The following PLAG1 variants were observed in gnomAD, a reference collection of about 807,000 sequenced individuals.
The protein encoded by PLAG1 is zinc finger protein PLAG1.
A neutral mutation model predicts 35.5 loss-of-function variants in PLAG1; 7 were observed. The observed-to-expected ratio is 0.20, with a 90% CI of 0.11 to 0.37. The LOEUF (loss-of-function observed/expected upper bound fraction) is 0.37, where lower values mean the gene tolerates loss of function less well. Ranked by LOEUF, PLAG1 falls within the 10% of genes least tolerant of loss-of-function variation. The pLI is 1.00. For synonymous variants in PLAG1, 229 were observed against 225.4 expected, an observed-to-expected ratio of 1.02 and a Z score of -0.14; for missense variants, 454 against 602.8, an observed-to-expected ratio of 0.75 and a Z score of 2.58.
chr8:56,166,690 T>G lies in PLAG1; in HGVS notation c.1056A>C (p.Leu352Phe). 1.2e-6 allele frequency: 2 copies of G among 1,614,062 alleles called. No individual in the cohort carries two copies. Among genetic ancestry groups the G allele is most frequent in the Non-Finnish European group, 1.7e-6 (2 of 1,179,950 alleles). The change falls in exon 5 of 5, where the codon TTA (leucine) becomes TTC (phenylalanine). Residue 352 changes from leucine (L) to phenylalanine (F), a missense_variant. Physicochemically the swap from Leu to Phe is conservative, Grantham distance 22. Coordinates refer to ENST00000316981, the MANE Select transcript of PLAG1 (RefSeq NM_002655.3). Reference protein sequence around the residue: ...AISIPEKEQPLKGEIESYLME... With the variant: ...AISIPEKEQPFKGEIESYLME... ...TCAGGTAACTCTCAATTTCCCCCTT[T>G]AATGGCTGTTCTTTTTCAGGAATAG...
At chr8:56,197,157 C>G (rs1169849956) in intron 1 of PLAG1, among the ~76,000 whole-genome samples, 2 of 152,104 alleles carry the variant, frequency 1.3e-5, no homozygotes, top group African/African-American at 4.8e-5. Flanking sequence ...TCTCCCACCT[C>G]TGCATGCTTC....
At chr8:56,203,620 T>C (rs1812621576) in intron 1 of PLAG1, among the ~76,000 whole-genome samples, 1 of 152,094 alleles carries the variant, frequency 6.6e-6, no homozygotes, top group African/African-American at 2.4e-5. Context: ...AAAATGTCAC[T>C]AACTCCTGTT....
intron 2 of PLAG1, among the ~76,000 whole-genome samples, chr8:56,179,023 CAAAAAAAAAAAAAA>C (rs1173709224): frequency 4.7e-5 from 2 of 42,934 alleles, no homozygotes; most frequent in African/African-American, 9.0e-5. Flanking sequence ...GCCCAGGAGA[CAAAAAAAAAAAAAA>C]AAAAAAAAAA....
At chr8:56,198,325 A>G (rs1812443616) in intron 1 of PLAG1, among the ~76,000 whole-genome samples, 1 of 152,212 alleles carries the variant, frequency 6.6e-6, no homozygotes, top group African/African-American at 2.4e-5. Context: ...GTGCAGGCAC[A>G]GAGGGGTCAC....
chr8:56,210,068 TCC>T (rs1241669302), intron 1 of PLAG1, among the ~76,000 whole-genome samples: 1 of 151,818 alleles, frequency 6.6e-6, no homozygotes, highest in East Asian at 1.9e-4. Flanking sequence ...CCCCCCTCGC[TCC>T]CCCTGCTTCT....
At chr8:56,192,166 G>A (rs1358935154) in intron 1 of PLAG1, among the ~76,000 whole-genome samples, 1 of 152,208 alleles carries the variant, frequency 6.6e-6, no homozygotes, top group Non-Finnish European at 1.5e-5. Context: ...GGGCACTCCT[G>A]TGTACTACCA....
intron 1 of PLAG1, among the ~76,000 whole-genome samples, chr8:56,194,718 C>T (rs567664887): frequency 6.2e-4 from 94 of 152,042 alleles, no homozygotes; most frequent in South Asian, 2.1e-3. Flanking sequence ...AAAGTTGCTT[C>T]GGGGGAGTGG....
chr8:56,177,244 T>C (rs1811726804), intron 2 of PLAG1, among the ~76,000 whole-genome samples: 3 of 152,166 alleles, frequency 2.0e-5, no homozygotes, highest in Admixed American at 2.0e-4. Context: ...CTGGTTCAGG[T>C]CTGCACATAC....
chr8:56,197,498 T>C (rs565773730), intron 1 of PLAG1, among the ~76,000 whole-genome samples: 1 of 152,334 alleles, frequency 6.6e-6, no homozygotes, highest in Non-Finnish European at 1.5e-5. Context: ...TGCTGGTGCA[T>C]CTCTTTCCCC....
chr8:56,173,211 A>G (rs1437930858), intron 2 of PLAG1, among the ~76,000 whole-genome samples: 1 of 152,168 alleles, frequency 6.6e-6, no homozygotes, highest in Non-Finnish European at 1.5e-5. Flanking sequence ...CCAATAGTCT[A>G]GAAATCACCC....
chr8:56,187,686 C>T (rs1261964569), intron 1 of PLAG1, among the ~76,000 whole-genome samples: 2 of 152,020 alleles, frequency 1.3e-5, no homozygotes, highest in East Asian at 1.9e-4. Context: ...GGCTCTTATA[C>T]GGAATCACAG....
intron 3 of PLAG1, among the ~76,000 whole-genome samples, chr8:56,169,465 A>C (rs1178842656): frequency 1.3e-5 from 2 of 152,088 alleles, no homozygotes; most frequent in East Asian, 3.8e-4. Flanking sequence ...AATATTATCG[A>C]CTCTGTTTCT....
rs1339814901 is a variant in PLAG1 at position 56,163,490 on chromosome 8, A to C, written c.*2753T>G. The C allele has an allele frequency of 5.0e-6, 1 of 199,476 alleles. No homozygotes were observed. Among genetic ancestry groups the C allele is most frequent in the Non-Finnish European group, 1.0e-5 (1 of 96,180 alleles). 12.4% of individuals were successfully genotyped at this position (199,476 alleles called of 1,614,324 possible). ...TTTAGTGACCACTACAGTCAATTTT[A>C]AAAACAAATTAGCTGAATTCCCTCT... is the stretch of plus-strand genomic sequence containing the variant. On this transcript the variant is annotated 3_prime_UTR_variant, in exon 5 of 5. Transcript: ENST00000316981.
chr8:56,208,515 A>T (rs1812760259), intron 1 of PLAG1, among the ~76,000 whole-genome samples: 1 of 152,242 alleles, frequency 6.6e-6, no homozygotes, highest in Non-Finnish European at 1.5e-5. Context: ...AACACAAGTT[A>T]ACATACAATA....
At chr8:56,175,626 A>T (rs1811663191) in intron 2 of PLAG1, among the ~76,000 whole-genome samples, 1 of 152,222 alleles carries the variant, frequency 6.6e-6, no homozygotes, top group Non-Finnish European at 1.5e-5. Flanking sequence ...ATTCATTAAA[A>T]TATAGTTCTA....
intron 2 of PLAG1, among the ~76,000 whole-genome samples, chr8:56,176,775 T>C (rs896462674): frequency 6.6e-6 from 1 of 152,070 alleles, no homozygotes; most frequent in Non-Finnish European, 1.5e-5. Flanking sequence ...TCCCAAATTG[T>C]GGTAAGTTAT....
At chr8:56,170,181 GTCTT>G (rs1336790624) in intron 3 of PLAG1, among the ~76,000 whole-genome samples, 3 of 152,322 alleles carry the variant, frequency 2.0e-5, no homozygotes, top group East Asian at 3.9e-4. Context: ...TGCTTCAGGT[GTCTT>G]TCTTTATTAG....
intron 1 of PLAG1, among the ~76,000 whole-genome samples, chr8:56,186,061 T>C (rs1452425016): frequency 6.6e-6 from 1 of 152,176 alleles, no homozygotes; most frequent in Non-Finnish European, 1.5e-5. Context: ...TCTAGGTAAC[T>C]TCAGGGGATT....
chr8:56,169,752 C>T (rs1319002648), intron 3 of PLAG1, among the ~76,000 whole-genome samples: 1 of 152,206 alleles, frequency 6.6e-6, no homozygotes, highest in Non-Finnish European at 1.5e-5. Flanking sequence ...ATATGTTGCC[C>T]AGGCTGGTCT....
Sources: allele counts gnomAD v4.1 joint callset (sites outside exome capture counted in the v4.1 genomes callset), GRCh38; gene constraint gnomAD v4.1.1; transcripts MANE v1.5; gene names NCBI Gene and HGNC (gene_info 2026-07-23, HGNC 2026-07-21).